The following KIAA1217 variants were observed in gnomAD, a reference collection of about 807,000 sequenced individuals.
KIAA1217 encodes KIAA1217.
A neutral mutation model predicts 163.9 loss-of-function variants in KIAA1217; 88 were observed. That is an observed-to-expected ratio of 0.54 (90% CI 0.45 to 0.64). The LOEUF (loss-of-function observed/expected upper bound fraction) is 0.64. KIAA1217 is among the 30% of genes least tolerant of loss of function. KIAA1217 has a pLI of 0.00. For missense variants in KIAA1217, 2,372 were observed against 2,475.0 expected, an observed-to-expected ratio of 0.96 and a Z score of 0.88; for synonymous variants, 903 against 923.1, an observed-to-expected ratio of 0.98 and a Z score of 0.39.
chr10:23,798,542 GAGTAT>G (rs1836316490), intron 1 of KIAA1217, among the ~76,000 whole-genome samples: 2 of 152,152 alleles, frequency 1.3e-5, no homozygotes, highest in South Asian at 4.1e-4. Context: ...ACTACCTCTT[GAGTAT>G]AGTAGTTTTT....
chr10:24,467,656 A>G (rs1261948219), intron 5 of KIAA1217, among the ~76,000 whole-genome samples: 1 of 152,194 alleles, frequency 6.6e-6, no homozygotes, highest in Non-Finnish European at 1.5e-5. Context: ...TCTGTGGGGA[A>G]AAAGTGTCAA....
intron 2 of KIAA1217, among the ~76,000 whole-genome samples, chr10:24,057,253 A>C (rs1052026765): frequency 2.0e-4 from 31 of 152,344 alleles, no homozygotes; most frequent in Non-Finnish European, 8.8e-5. Context: ...TGTCAAAAAA[A>C]TAAAAAATAA....
intron 2 of KIAA1217, among the ~76,000 whole-genome samples, chr10:24,155,102 T>A (rs887809016): frequency 5.9e-5 from 9 of 152,202 alleles, no homozygotes; most frequent in African/African-American, 2.4e-5. Context: ...GGCACTGCAC[T>A]GTACACTTAA....
chr10:23,900,154 C>T (rs1025853208), intron 1 of KIAA1217, among the ~76,000 whole-genome samples: 4 of 151,980 alleles, frequency 2.6e-5, no homozygotes, highest in Non-Finnish European at 5.9e-5. Flanking sequence ...TGCAGGCCCC[C>T]ACCACCACTC....
intron 1 of KIAA1217, among the ~76,000 whole-genome samples, chr10:23,700,664 CTT>C (rs1230187982): frequency 6.6e-6 from 1 of 152,194 alleles, no homozygotes; most frequent in African/African-American, 2.4e-5. Context: ...ATCTAAGTAA[CTT>C]TGAACTTATC....
chr10:24,241,146 C>T (rs2073046065), intron 2 of KIAA1217, among the ~76,000 whole-genome samples: 1 of 152,162 alleles, frequency 6.6e-6, no homozygotes, highest in Non-Finnish European at 1.5e-5. Context: ...TGCACCCGGC[C>T]TTGGCTAGCA....
At chr10:24,325,947 T>C (rs999541841) in intron 2 of KIAA1217, among the ~76,000 whole-genome samples, 5 of 152,172 alleles carry the variant, frequency 3.3e-5, no homozygotes, top group African/African-American at 9.7e-5. Flanking sequence ...TATTTTCATA[T>C]TTATAATGCT....
At chr10:23,787,284 A>G (rs1031394447) in intron 1 of KIAA1217, among the ~76,000 whole-genome samples, 1 of 152,194 alleles carries the variant, frequency 6.6e-6, no homozygotes, top group African/African-American at 2.4e-5. Flanking sequence ...ATGAGATTCT[A>G]AGAGATTTAT....
intron 1 of KIAA1217, among the ~76,000 whole-genome samples, chr10:23,784,862 T>G (rs1442908895): frequency 1.3e-5 from 2 of 152,180 alleles, no homozygotes; most frequent in Non-Finnish European, 2.9e-5. Flanking sequence ...AAACCCAGTT[T>G]CTTAACTCAC....
At chr10:23,868,238 A>C (rs372479510) in intron 1 of KIAA1217, among the ~76,000 whole-genome samples, 1 of 152,070 alleles carries the variant, frequency 6.6e-6, no homozygotes, top group Admixed American at 6.6e-5. Context: ...ACTCCTGGGT[A>C]CATGGTTTTC....
Position 24,543,537 on chromosome 10 carries a change from AC to A in KIAA1217, c.4273del (p.Arg1425AspfsTer19), listed in dbSNP as rs758139521. The A allele has an allele frequency of 6.2e-7, 1 of 1,613,642 alleles. No individual in the cohort carries two copies. The highest frequency in any genetic ancestry group is 8.5e-7 in the Non-Finnish European group (1 of 1,179,952). On this transcript the variant is annotated frameshift_variant, in exon 19 of 21. Transcript: ENST00000376454. LOFTEE classifies it high-confidence loss of function. ...TAATATCGATGCCAGAAAAGAGATGACCCCCCGACAAGAAGGGACTGACAAT... is the reference window on the plus strand; with the variant it reads ...TAATATCGATGCCAGAAAAGAGATGACCCCCGACAAGAAGGGACTGACAAT... ...TVNIDARKEM[T>X]PRQEGTDNED...
intron 2 of KIAA1217, among the ~76,000 whole-genome samples, chr10:24,131,102 A>T (rs969743101): frequency 6.6e-6 from 1 of 152,234 alleles, no homozygotes; most frequent in South Asian, 2.1e-4. Context: ...TACTTGTTGA[A>T]GATATGAAAT....
chr10:24,440,518 A>G (rs1169331070), intron 5 of KIAA1217, among the ~76,000 whole-genome samples: 1 of 152,214 alleles, frequency 6.6e-6, no homozygotes, highest in Non-Finnish European at 1.5e-5. Flanking sequence ...ACCCTCCAGC[A>G]GCTCTGGTAC....
chr10:23,998,155 GA>G (rs1001775616), intron 1 of KIAA1217, among the ~76,000 whole-genome samples: 14 of 150,234 alleles, frequency 9.3e-5, no homozygotes, highest in Admixed American at 6.6e-4. Context: ...AGAAGAAAAA[GA>G]AAAAAAAAGA....
intron 2 of KIAA1217, among the ~76,000 whole-genome samples, chr10:24,375,948 GA>G (rs1229119698): frequency 4.6e-5 from 7 of 152,208 alleles, no homozygotes; most frequent in African/African-American, 1.7e-4. Flanking sequence ...AAACGGGAAT[GA>G]AAAATACATC....
chr10:23,933,223 G>T (rs1843330002), intron 1 of KIAA1217, among the ~76,000 whole-genome samples: 1 of 152,226 alleles, frequency 6.6e-6, no homozygotes. Context: ...TCTGCAGGGA[G>T]AGTTGAAGAG....
At chr10:24,538,850 C>T (rs1277162696) in intron 17 of KIAA1217, among the ~76,000 whole-genome samples, 5 of 142,044 alleles carry the variant, frequency 3.5e-5, no homozygotes, top group Non-Finnish European at 1.5e-5. Flanking sequence ...TTCTCTGTTT[C>T]AGCCTCTCTA....
At chr10:24,421,317 A>G (rs1332179762) in intron 3 of KIAA1217, among the ~76,000 whole-genome samples, 1 of 152,132 alleles carries the variant, frequency 6.6e-6, no homozygotes. Context: ...TAAGTGGTAT[A>G]TTTTTATTAA....
At chr10:24,087,546 A>C (rs1158675432) in intron 2 of KIAA1217, among the ~76,000 whole-genome samples, 1 of 152,200 alleles carries the variant, frequency 6.6e-6, no homozygotes, top group Non-Finnish European at 1.5e-5. Context: ...GTGCTTGGCA[A>C]ACATAATAAA....
Sources: allele counts gnomAD v4.1 joint callset (sites outside exome capture counted in the v4.1 genomes callset), GRCh38; gene constraint gnomAD v4.1.1; transcripts MANE v1.5; gene names NCBI Gene and HGNC (gene_info 2026-07-23, HGNC 2026-07-21).